ZCCHC14: variants seen among roughly 807,000 people sequenced by gnomAD.
The protein encoded by ZCCHC14 is zinc finger CCHC-type containing 14, also known as zinc finger CCHC domain-containing protein 14.
A neutral mutation model predicts 85.0 loss-of-function variants in ZCCHC14; 16 were observed. That is an observed-to-expected ratio of 0.19 (90% CI 0.13 to 0.29). The LOEUF (loss-of-function observed/expected upper bound fraction) is 0.29. Among genes scored for constraint, ZCCHC14 ranks in the 10% least tolerant of loss-of-function variants. The probability of loss-of-function intolerance (pLI) is 1.00; values close to 1 mark genes in which losing one functional copy is unlikely to be tolerated. For missense variants in ZCCHC14, 1,303 were observed against 1,443.5 expected (o/e 0.90, Z 1.58); for synonymous variants, 775 against 630.7 (o/e 1.23, Z -3.43).
At chr16:87,415,150 C>A in intron 9 of ZCCHC14, 126 bp downstream of exon 9, 1 of 697,756 alleles carries the variant, frequency 1.4e-6, no homozygotes, top group Non-Finnish European at 2.5e-6. Flanking sequence ...AAAAGCATGG[C>A]TAAGGACTGG....
intron 2 of ZCCHC14, among the ~76,000 whole-genome samples, chr16:87,454,707 T>C (rs1380667650): frequency 1.3e-5 from 2 of 152,244 alleles, no homozygotes; most frequent in Non-Finnish European, 2.9e-5. Context: ...GTAAATAGTA[T>C]GGATAATATA....
chr16:87,412,098 C>T lies in ZCCHC14; in HGVS notation c.2623G>A (p.Val875Ile), dbSNP rs775814074. ...APSSSPALSS[V>I]PESSFYSSSG... Reference sequence around the variant, plus strand: ...CTGCTATAGAAACTGCTTTCAGGGACGGAGGACAGCGCCGGGCTGGAGCTG... The same window carrying T: ...CTGCTATAGAAACTGCTTTCAGGGATGGAGGACAGCGCCGGGCTGGAGCTG... Residue 875 changes from valine to isoleucine, a missense_variant, in exon 12 of 13, where the codon GTC (valine) becomes ATC (isoleucine). Val to Ile is a conservative substitution (Grantham distance 29). Transcript: ENST00000671377. 175 of 1,613,052 alleles carry T rather than the reference C, an allele frequency of 1.1e-4. No individual in the cohort carries two copies. The highest frequency in any genetic ancestry group is 1.6e-4 in the Middle Eastern group (1 of 6,074).
chr16:87,422,610 C>G (rs1400313507), intron 4 of ZCCHC14, among the ~76,000 whole-genome samples: 1 of 151,070 alleles, frequency 6.6e-6, no homozygotes, highest in Non-Finnish European at 1.5e-5. Flanking sequence ...GTGGTGTGCA[C>G]CTGTGATCCC....
chr16:87,492,102 G>A lies in ZCCHC14; in HGVS notation c.137C>T (p.Ser46Leu). 3.6e-6 allele frequency: 5 copies of A among 1,382,472 alleles called. No homozygotes were observed. The highest frequency in any genetic ancestry group is 4.7e-6 in the Non-Finnish European group (5 of 1,074,584). The allele number at this position is 1,382,472 out of a possible 1,614,324, so 85.6% of individuals were successfully genotyped here. ...CTTGCGGGCCAGGTCCTCCAGGCAC[G>A]AGCCGAGGAAGCGAAGCTCGAGCGG... ...CIPLELRFLG[S>L]CLEDLARKDY... The change falls in exon 1 of 13, where the codon TCG becomes TTG. Residue 46 changes from serine to leucine, a missense_variant. Physicochemically the swap from Ser to Leu is moderately radical, Grantham distance 145 (BLOSUM62 -2). Transcript: ENST00000671377. The surrounding 1 kb of genome is among the most constrained non-coding windows in gnomAD (Gnocchi z 6.7).
At chr16:87,453,328 C>G (rs1195682646) in intron 2 of ZCCHC14, among the ~76,000 whole-genome samples, 1 of 152,240 alleles carries the variant, frequency 6.6e-6, no homozygotes, top group African/African-American at 2.4e-5. Flanking sequence ...ATTTACAGAA[C>G]AAAACACCCC....
In ZCCHC14 at chr16:87,412,711, A is replaced by C; in HGVS notation, c.2010T>G (p.Leu670=). ...MKLLSSSVHS[L]LSLEERNKGS... is the part of the protein sequence containing the mutation. The stretch of plus-strand genomic sequence containing the variant: ...CTTTATTCCTTTCTTCTAGAGACAA[A>C]AGTGAGTGCACAGAAGACGAGAGGA... The change falls in exon 12 of 13, where the codon CTT becomes CTG. Residue 670 remains leucine, a synonymous_variant. Transcript: ENST00000671377. The C allele has an allele frequency of 6.2e-7, 1 of 1,614,156 alleles. No homozygotes were observed. The highest frequency in any genetic ancestry group is 8.5e-7 in the Non-Finnish European group (1 of 1,180,026).
rs766612716 is a variant in ZCCHC14, at chr16:87,419,785, G to T, written c.1043C>A (p.Pro348Gln). The T allele has an allele frequency of 3.4e-5, 54 of 1,593,688 alleles. 1 individual carries two copies. The highest frequency in any genetic ancestry group is 4.5e-5 in the Non-Finnish European group (53 of 1,172,858). Residue 348 changes from proline to glutamine, a missense_variant and splice_region_variant, in exon 6 of 13, where the codon CCA (proline) becomes CAA (glutamine). This residue lies in a region of ZCCHC14 where 389 missense variants were observed against 397.8 expected (regional missense o/e 0.98). Coordinates refer to ENST00000671377, the MANE Select transcript of ZCCHC14 (RefSeq NM_015144.3). ...TTAACCATATTTTACAAACTCACTTGGACTCTGAAGCTGCTGTGGGGGAGA... is the reference window on the plus strand; with the variant it reads ...TTAACCATATTTTACAAACTCACTTTGACTCTGAAGCTGCTGTGGGGGAGA... ...TSSPPQQLQSPSPGNPSLSKV... is the reference protein window; with the variant it reads ...TSSPPQQLQSQSPGNPSLSKV...
At chr16:87,429,023 A>G (rs146009320) in intron 3 of ZCCHC14, among the ~76,000 whole-genome samples, 96 of 152,342 alleles carry the variant, frequency 6.3e-4, no homozygotes, top group African/African-American at 2.3e-3. Flanking sequence ...ACACTCATGC[A>G]TGAATCTTTT....
chr16:87,413,650 G>A (rs537452405), intron 10 of ZCCHC14, among the ~76,000 whole-genome samples: 2 of 152,096 alleles, frequency 1.3e-5, no homozygotes, highest in East Asian at 1.9e-4. Context: ...GTGAGACAAC[G>A]GAGCAAGCGC....
chr16:87,457,630 T>G (rs1370353824), intron 2 of ZCCHC14, among the ~76,000 whole-genome samples: 1 of 152,152 alleles, frequency 6.6e-6, no homozygotes, highest in African/African-American at 2.4e-5. Flanking sequence ...ACTCTATAAA[T>G]TAAACTGTAT....
At position 87,434,653 on chromosome 16, in the gene ZCCHC14, C is replaced by T. The variant is rs141254509; in HGVS notation, c.695-1452G>A. Among the ~76,000 whole-genome samples, 14 of 152,350 alleles carry T rather than the reference C, an allele frequency of 9.2e-5. No homozygotes were observed. In the East Asian group the frequency reaches 2.7e-3, roughly 29 times the overall value. On this transcript the variant is annotated intron_variant, in intron 2 of 12. Coordinates refer to ENST00000671377, the MANE Select transcript of ZCCHC14 (RefSeq NM_015144.3). Reference sequence around the variant, plus strand: ...AGAGCCCTCTCCACGGGCGCCAGTGCTCACACAAGGTCACGGCCACCTCAA... The same window carrying T: ...AGAGCCCTCTCCACGGGCGCCAGTGTTCACACAAGGTCACGGCCACCTCAA...
intron 2 of ZCCHC14, among the ~76,000 whole-genome samples, chr16:87,443,910 G>A (rs1377717903): frequency 8.6e-5 from 13 of 151,982 alleles, no homozygotes; most frequent in Admixed American, 7.2e-4. Context: ...GATGGCCCAT[G>A]CCTGTAGTCC....
At chr16:87,490,839 C>T (rs1219553498) in intron 1 of ZCCHC14, among the ~76,000 whole-genome samples, 1 of 152,252 alleles carries the variant, frequency 6.6e-6, no homozygotes, top group Non-Finnish European at 1.5e-5. Flanking sequence ...CCACATGCGA[C>T]ACACGCGTAC....
intron 2 of ZCCHC14, among the ~76,000 whole-genome samples, chr16:87,439,803 G>T (rs915454280): frequency 6.6e-6 from 1 of 152,206 alleles, no homozygotes; most frequent in African/African-American, 2.4e-5. Flanking sequence ...CATCAATTCT[G>T]TATCTTATAT....
rs1908285544 is a variant in ZCCHC14 at position 87,408,187 on chromosome 16, A to T, written c.*2093T>A. The stretch of plus-strand genomic sequence containing the variant: ...AAAATAGTTACGTGGGTAACAACAG[A>T]CGCTTTCATTCCCCTATACTGACCA... On this transcript the variant is annotated 3_prime_UTR_variant, in exon 13 of 13. Transcript: ENST00000671377. 1 of 152,648 alleles carries T rather than the reference A, an allele frequency of 6.6e-6. No individual in the cohort carries two copies. The allele number at this position is 152,648 out of a possible 1,614,324, so 9.5% of individuals were successfully genotyped here.
At chr16:87,444,413 A>G (rs1294587017) in intron 2 of ZCCHC14, among the ~76,000 whole-genome samples, 1 of 152,258 alleles carries the variant, frequency 6.6e-6, no homozygotes, top group Non-Finnish European at 1.5e-5. Flanking sequence ...CTCACTGAAT[A>G]AAACAGGAAA....
At chr16:87,475,890 A>G (rs939333045) in intron 1 of ZCCHC14, among the ~76,000 whole-genome samples, 19 of 152,196 alleles carry the variant, frequency 1.2e-4, no homozygotes, top group Non-Finnish European at 2.5e-4. Flanking sequence ...AAATTTACAG[A>G]TCTAGTAAGT....
intron 1 of ZCCHC14, among the ~76,000 whole-genome samples, chr16:87,478,418 C>T (rs1444387678): frequency 3.3e-5 from 5 of 152,016 alleles, no homozygotes; most frequent in African/African-American, 1.2e-4. Flanking sequence ...AGGTTGGAAC[C>T]GACTGGAAAA....
intron 2 of ZCCHC14, among the ~76,000 whole-genome samples, chr16:87,434,143 C>G (rs1909797758): frequency 6.6e-6 from 1 of 152,202 alleles, no homozygotes; most frequent in Admixed American, 6.5e-5. Context: ...GCCTACTCAT[C>G]CCGTTTTCCA....
Sources: allele counts gnomAD v4.1 joint callset (sites outside exome capture counted in the v4.1 genomes callset), GRCh38; gene constraint gnomAD v4.1.1; regional missense constraint gnomAD v4.1.1; non-coding constraint Gnocchi (gnomAD v3.1); transcripts MANE v1.5; gene names NCBI Gene and HGNC (gene_info 2026-07-23, HGNC 2026-07-21).